MKS1: variants seen among roughly 807,000 people sequenced by gnomAD.
The protein encoded by MKS1 is MKS transition zone complex subunit 1.
In MKS1, 70 loss-of-function variants were observed where a neutral mutation model predicts 83.7. The ratio of observed to expected loss-of-function variants is 0.84; its 90% CI spans 0.69 to 1.02. The LOEUF (loss-of-function observed/expected upper bound fraction) is 1.02. Among genes scored for constraint, MKS1 ranks in the 50% least tolerant of loss-of-function variants. MKS1 has a pLI of 0.00. For missense variants in MKS1, 681 were observed against 726.9 expected (o/e 0.94, Z 0.73); for synonymous variants, 251 against 273.4 (o/e 0.92, Z 0.81).
rs1461715661 is a variant in MKS1, at chr17:58,218,595, G to A, written c.190+25C>T. Reference sequence around the variant, plus strand: ...ATTAGTATCATAATTAGTATTAGATGGCACATCACCACCGTAACACCCACT... The same window carrying A: ...ATTAGTATCATAATTAGTATTAGATAGCACATCACCACCGTAACACCCACT... On this transcript the variant is annotated intron_variant, in intron 2 of 17. Coordinates refer to ENST00000393119, the MANE Select transcript of MKS1 (RefSeq NM_017777.4). 3 of 1,498,848 alleles carry A rather than the reference G, an allele frequency of 2.0e-6. No homozygotes were observed. In the Admixed American group the frequency reaches 5.0e-5, roughly 25 times the overall value. The allele number at this position is 1,498,848 out of a possible 1,614,324, so 92.8% of individuals were successfully genotyped here. A position where few individuals can be genotyped will look rare whatever the true frequency, so the allele number is the denominator to read the frequency against.
Position 58,214,539 on chromosome 17 carries a change from T to A in MKS1, c.516-152A>T. The A allele has an allele frequency of 3.0e-6, 4 of 1,347,938 alleles. No homozygotes were observed. In the South Asian group the frequency reaches 5.0e-5, roughly 17 times the overall value. 83.5% of individuals were successfully genotyped at this position (1,347,938 alleles called of 1,614,324 possible). ...AAATATTTGACAAACAGAAATGACA[T>A]CCCTTCCCTCTCTCTGAGGCACTTT... is the stretch of plus-strand genomic sequence containing the variant. On this transcript the variant is annotated intron_variant, in intron 5 of 17. Coordinates refer to ENST00000393119, the MANE Select transcript of MKS1 (RefSeq NM_017777.4).
chr17:58,207,938 T>C lies in MKS1; in HGVS notation c.1229A>G (p.Tyr410Cys), dbSNP rs774267957. 11 of 1,613,928 alleles carry C rather than the reference T, an allele frequency of 6.8e-6. No individual in the cohort carries two copies. Among genetic ancestry groups the C allele is most frequent in the Admixed American group, 1.7e-5 (1 of 59,996 alleles). ...CACAGCCCCATAGCCTTCCACACGG[T>C]ACCTCTGCCAGAAGTCCAGCGAGAG... ...EVLSLDFWQR[Y>C]RVEGYGAVVL... Residue 410 changes from tyrosine (Y) to cysteine (C), a missense_variant, in exon 14 of 18, where the codon TAC (tyrosine) becomes TGC (cysteine). Tyr to Cys is a radical substitution (Grantham distance 194). Coordinates refer to ENST00000393119, the MANE Select transcript of MKS1 (RefSeq NM_017777.4).
At chr17:58,206,407 C>T (rs374195952) in intron 16 of MKS1, 27 bp from the exon 17 acceptor site, 38 of 1,613,908 alleles carry the variant, frequency 2.4e-5, no homozygotes, top group South Asian at 1.4e-4. Flanking sequence ...CACATGGTTA[C>T]GGCTGTCTCC....
chr17:58,216,653 G>A lies in MKS1; in HGVS notation c.261+13C>T, dbSNP rs138901048. Reference sequence around the variant, plus strand: ...GATGGAATAGACAGAGAAGACAAGAGACACTGGCTCACCTGGCTAAAGAGC... The same window carrying A: ...GATGGAATAGACAGAGAAGACAAGAAACACTGGCTCACCTGGCTAAAGAGC... On this transcript the variant is annotated intron_variant, in intron 3 of 17. Transcript: ENST00000393119. The A allele has an allele frequency of 6.2e-7, 1 of 1,613,754 alleles. No homozygotes were observed. The highest frequency in any genetic ancestry group is 8.5e-7 in the Non-Finnish European group (1 of 1,179,634).
rs766392300 is a variant in MKS1 at position 58,207,105 on chromosome 17, G to C, written c.1387C>G (p.Arg463Gly). 6.2e-7 allele frequency: 1 copy of C among 1,614,160 alleles called. No individual in the cohort carries two copies. The highest frequency in any genetic ancestry group is 8.5e-7 in the Non-Finnish European group (1 of 1,180,016). The change falls in exon 15 of 18, where the codon CGG becomes GGG. Residue 463 changes from arginine (R) to glycine (G), a missense_variant. This residue lies in a region of MKS1 where 310 missense variants were observed against 321.7 expected (regional missense o/e 0.96). Coordinates refer to ENST00000393119, the MANE Select transcript of MKS1 (RefSeq NM_017777.4). The part of the protein sequence containing the change: ...SLELEDLSYV[R>G]IPGSFKGERL... ...GTCACCTTGAAGGATCCTGGTATCC[G>C]TACATAGGAGAGGTCCTCCAGTTCC...
intron 4 of MKS1, 169 bp downstream of exon 4, chr17:58,215,919 G>T: frequency 1.2e-6 from 1 of 805,022 alleles, no homozygotes; most frequent in Non-Finnish European, 2.1e-6. Flanking sequence ...CCTGTAGACT[G>T]TGCCCATTCT....
chr17:58,205,793 TC>T lies in MKS1; in HGVS notation c.*285del. ...AGTCAAGGCCAGACTCACTATGGGG[TC>T]ACCCCAAACAGCTTCAGATCAAAAA... On this transcript the variant is annotated 3_prime_UTR_variant, in exon 18 of 18. Transcript: ENST00000393119. The T allele has an allele frequency of 1.4e-6, 2 of 1,440,340 alleles. No homozygotes were observed. Among genetic ancestry groups the T allele is most frequent in the Non-Finnish European group, 1.8e-6 (2 of 1,083,726 alleles). The allele number at this position is 1,440,340 out of a possible 1,614,324, so 89.2% of individuals were successfully genotyped here.
At chr17:58,211,720 G>T (rs1463590342) in intron 9 of MKS1, among the ~76,000 whole-genome samples, 1 of 138,012 alleles carries the variant, frequency 7.2e-6, no homozygotes, top group Non-Finnish European at 1.5e-5. Context: ...GTATCACCAT[G>T]CCTTGCTAAT....
At chr17:58,213,120 A>C (rs768189741) in intron 7 of MKS1, 30 bp from the exon 8 acceptor site, 2 of 1,604,708 alleles carry the variant, frequency 1.2e-6, no homozygotes, top group East Asian at 2.2e-5. Flanking sequence ...GAAAGGAGCA[A>C]CTCTAATAAT....
At chr17:58,215,750 T>C (rs1036292561) in intron 4 of MKS1, 12 of 348,828 alleles carry the variant, frequency 3.4e-5, no homozygotes, top group Non-Finnish European at 5.0e-5. Flanking sequence ...TTATCTATAT[T>C]GTTCCAGACT....
At chr17:58,217,589 A>T (rs2143829148) in intron 2 of MKS1, among the ~76,000 whole-genome samples, 1 of 152,280 alleles carries the variant, frequency 6.6e-6, no homozygotes. Flanking sequence ...TGGGAGGATC[A>T]CTTGGGCCCA....
chr17:58,205,610 G>C lies in MKS1; in HGVS notation c.*469C>G. On this transcript the variant is annotated 3_prime_UTR_variant, in exon 18 of 18. Transcript: ENST00000393119. ...AGCAAGCCCCAAGCAGTAGAATGAG[G>C]CTTCCCTGGAAAGAGGCTGAGACTC... 1 of 1,306,204 alleles carries C rather than the reference G, an allele frequency of 7.7e-7. No individual in the cohort carries two copies. The highest frequency in any genetic ancestry group is 1.2e-5 in the South Asian group (1 of 81,040). The allele number at this position is 1,306,204 out of a possible 1,614,324, so 80.9% of individuals were successfully genotyped here. A position where few individuals can be genotyped will look rare whatever the true frequency, so the allele number is the denominator to read the frequency against.
At position 58,206,021 on chromosome 17, in the gene MKS1, C is replaced by G. The variant is rs35384582; in HGVS notation, c.*58G>C. 424 of 1,562,064 alleles carry G rather than the reference C, an allele frequency of 2.7e-4. 2 individuals are homozygous for G. In the African/African-American group the frequency reaches 5.1e-3, roughly 19 times the overall value. ...AGAAAGACGAAGAGGCAGGAGAGCA[C>G]TGGCCTCAGATATCCCCCATCTTGT... On this transcript the variant is annotated 3_prime_UTR_variant, in exon 18 of 18. Transcript: ENST00000393119.
Position 58,213,040 on chromosome 17 carries a change from TTG to T in MKS1, c.798_799del (p.Asp266GlufsTer38). ...CTCCGGCTGTGCGTGGGGGGAAACA[TTG>T]TCGATCGTATATTTCCACAGCTCCT... On this transcript the variant is annotated frameshift_variant, in exon 8 of 18. Transcript: ENST00000393119. LOFTEE classifies it high-confidence loss of function. The T allele has an allele frequency of 6.2e-7, 1 of 1,614,024 alleles. No individual in the cohort carries two copies. Among genetic ancestry groups the T allele is most frequent in the East Asian group, 2.2e-5 (1 of 44,870 alleles).
chr17:58,214,871 C>A (rs1429005178), intron 4 of MKS1, 33 bp from the exon 5 acceptor site: 2 of 1,579,656 alleles, frequency 1.3e-6, no homozygotes, highest in East Asian at 2.3e-5. Context: ...TGTACGCCAT[C>A]TGGTCAGGGC....
intron 5 of MKS1, 130 bp from the exon 6 acceptor site, chr17:58,214,517 T>C (rs980589947): frequency 6.9e-7 from 1 of 1,443,666 alleles, no homozygotes; most frequent in African/African-American, 1.4e-5. Context: ...AGAGCCAAAA[T>C]ATTTGACAAA....
In MKS1 at chr17:58,216,092, T is replaced by A; in HGVS notation, c.413A>T (p.Glu138Val). 1.2e-6 allele frequency: 2 copies of A among 1,614,146 alleles called. No individual in the cohort carries two copies. The highest frequency in any genetic ancestry group is 8.5e-7 in the Non-Finnish European group (1 of 1,180,014). Residue 138 changes from glutamate to valine, a missense_variant, in exon 4 of 18, where the codon GAG becomes GTG. This residue lies in a region of MKS1 where 365 missense variants were observed against 383.8 expected (regional missense o/e 0.95). Coordinates refer to ENST00000393119, the MANE Select transcript of MKS1 (RefSeq NM_017777.4). ...AGACCCTAGAAAGAACAATACCTCC[T>A]CCAAATTGGTGTATCTATCAGAGTC... is the stretch of plus-strand genomic sequence containing the variant. The part of the protein sequence containing the change: ...YTDSDRYTNL[E>V]EHCQRMTTAA...
chr17:58,214,003 A>C, intron 6 of MKS1, 134 bp from the exon 7 acceptor site: 1 of 971,804 alleles, frequency 1.0e-6, no homozygotes. Context: ...TTCCAAGTAC[A>C]ACTAAGAAAA....
At position 58,214,723 on chromosome 17, in the gene MKS1, T is replaced by TC; in HGVS notation, c.515+17dup. ...ATAAAAAGTAAAAGCTTGTCCCCCA[T>TC]CCCATGCCCGCACTCACATCCCTCG... On this transcript the variant is annotated intron_variant, in intron 5 of 17. Coordinates refer to ENST00000393119, the MANE Select transcript of MKS1 (RefSeq NM_017777.4). 6.2e-7 allele frequency: 1 copy of TC among 1,601,470 alleles called. No individual in the cohort carries two copies. Among genetic ancestry groups the TC allele is most frequent in the Non-Finnish European group, 8.5e-7 (1 of 1,178,386 alleles).
Sources: gnomAD v4.1 joint callset for allele counts (sites outside exome capture counted in the v4.1 genomes callset) on GRCh38, gnomAD v4.1.1 for gene constraint, gnomAD v4.1.1 regional missense constraint, MANE v1.5 for transcripts, NCBI Gene and HGNC (gene_info 2026-07-23, HGNC 2026-07-21) for gene names.